MTHFSD: variants seen among roughly 807,000 people sequenced by gnomAD.
The protein encoded by MTHFSD is methenyltetrahydrofolate synthetase domain containing.
In MTHFSD, 37 loss-of-function variants were observed where a neutral mutation model predicts 31.1. The ratio of observed to expected loss-of-function variants is 1.19; its 90% CI spans 0.91 to 1.56. The LOEUF (loss-of-function observed/expected upper bound fraction) is 1.56, where lower values mean the gene tolerates loss of function less well. Ranked by LOEUF, MTHFSD falls within the 40% of genes most tolerant of loss-of-function variation. The pLI is 0.00. For synonymous variants in MTHFSD, 221 were observed against 206.9 expected (o/e 1.07, Z -0.59); for missense variants, 664 against 510.1 (o/e 1.30, Z -2.91).
In MTHFSD at chr16:86,531,911, G is replaced by A. The variant is rs1041605993; in HGVS notation, c.*100C>T. The A allele has an allele frequency of 1.4e-5, 11 of 789,636 alleles. No homozygotes were observed. Among genetic ancestry groups the A allele is most frequent in the African/African-American group, 7.2e-5 (4 of 55,260 alleles). The allele number at this position is 789,636 out of a possible 1,614,324, so 48.9% of individuals were successfully genotyped here. A position where few individuals can be genotyped will look rare whatever the true frequency, so the allele number is the denominator to read the frequency against. On this transcript the variant is annotated 3_prime_UTR_variant, in exon 8 of 8. Coordinates refer to ENST00000360900, the MANE Select transcript of MTHFSD (RefSeq NM_001159377.2). The surrounding 1 kb of genome is among the most constrained non-coding windows in gnomAD (Gnocchi z 5.5). ...CCCGAGCAGCTCAGGCGGTGGCTCC[G>A]ACACGTCTTGCCACGCAGGCCTCTC...
In MTHFSD at chr16:86,541,739, T is replaced by G; in HGVS notation, c.639A>C (p.Thr213=). The change falls in exon 7 of 8, where the codon ACA becomes ACC. Residue 213 remains threonine (T), a synonymous_variant. Transcript: ENST00000360900. ...CCATTGGCTTTGGGCGCTTGCAGCC[T>G]GTGGCGATGACTCTGGTTGGAGTGA... ...YILTPTRVIA[T]GCKRPKPMGI... is the part of the protein sequence containing the mutation. 6.2e-7 allele frequency: 1 copy of G among 1,614,074 alleles called. No homozygotes were observed. The highest frequency in any genetic ancestry group is 8.5e-7 in the Non-Finnish European group (1 of 1,180,002).
intron 1 of MTHFSD, 59 bp from the exon 2 acceptor site, chr16:86,554,810 A>G: frequency 6.9e-7 from 1 of 1,451,688 alleles, no homozygotes; most frequent in Non-Finnish European, 9.7e-7. Context: ...CCATGCTGAA[A>G]CCGCTTAACA....
At chr16:86,536,148 G>C (rs908866732) in intron 7 of MTHFSD, among the ~76,000 whole-genome samples, 10 of 152,218 alleles carry the variant, frequency 6.6e-5, no homozygotes, top group Non-Finnish European at 1.2e-4. Context: ...AGCCGTGCTG[G>C]TGAAGATGAG....
intron 7 of MTHFSD, chr16:86,541,277 A>C: frequency 8.7e-7 from 1 of 1,148,556 alleles, no homozygotes. Flanking sequence ...CTGCTTGAAG[A>C]TCCAGATCGT....
intron 2 of MTHFSD, among the ~76,000 whole-genome samples, chr16:86,552,871 C>G (rs2143896435): frequency 6.6e-6 from 1 of 152,346 alleles, no homozygotes; most frequent in African/African-American, 2.4e-5. Flanking sequence ...TGGGGTGAAG[C>G]AAGCCAACAG....
chr16:86,532,620 G>T, intron 7 of MTHFSD, 139 bp from the exon 8 acceptor site: 2 of 551,116 alleles, frequency 3.6e-6, no homozygotes, highest in Non-Finnish European at 5.9e-6. Context: ...AGGGACATGG[G>T]ACTCCCACTG....
chr16:86,554,241 T>C lies in MTHFSD; in HGVS notation c.123+404A>G, dbSNP rs534374198. 3.0e-4 allele frequency among the ~76,000 whole-genome samples: 45 copies of C among 152,340 alleles called. 2 individuals are homozygous for C. The South Asian group carries it at 9.1e-3, about 31-fold the overall frequency. On this transcript the variant is annotated intron_variant, in intron 2 of 7. Transcript: ENST00000360900. ...CTGCTAAGGTCTGCAGCTTCACTCCTGAAGCCAGCAAAGACCGTGAACCCA... is the reference window on the plus strand; with the variant it reads ...CTGCTAAGGTCTGCAGCTTCACTCCCGAAGCCAGCAAAGACCGTGAACCCA...
intron 5 of MTHFSD, among the ~76,000 whole-genome samples, chr16:86,543,050 TC>T (rs1345765925): frequency 2.0e-5 from 3 of 152,188 alleles, no homozygotes; most frequent in African/African-American, 7.2e-5. Flanking sequence ...TTCAAAACCT[TC>T]AACTGTGCAT....
At chr16:86,535,496 A>T (rs575360003) in intron 7 of MTHFSD, 47 of 985,432 alleles carry the variant, frequency 4.8e-5, no homozygotes, top group Middle Eastern at 1.0e-3. Flanking sequence ...AATGAGGAAT[A>T]GTTGTTACAT....
At chr16:86,541,996 C>T (rs1305097602) in intron 6 of MTHFSD, 105 bp downstream of exon 6, 6 of 1,340,368 alleles carry the variant, frequency 4.5e-6, no homozygotes, top group Non-Finnish European at 3.1e-6. Flanking sequence ...ATCCACACCA[C>T]TCGCCACACA....
rs7202317 is a variant in MTHFSD, at chr16:86,542,867, G to A, written c.443-654C>T. Among the ~76,000 whole-genome samples, 33,897 of 152,154 alleles carry A rather than the reference G, an allele frequency of 0.22. 4,353 individuals are homozygous for A. Among genetic ancestry groups the A allele is most frequent in the East Asian group, 0.41 (2,124 of 5,160 alleles). Reference sequence around the variant, plus strand: ...TCAGAGACAAAAATGCAGGAAGACAGGATACATCAAATGCCTTCTGGCCCC... The same window carrying A: ...TCAGAGACAAAAATGCAGGAAGACAAGATACATCAAATGCCTTCTGGCCCC... On this transcript the variant is annotated intron_variant, in intron 5 of 7. Coordinates refer to ENST00000360900, the MANE Select transcript of MTHFSD (RefSeq NM_001159377.2). The surrounding 1 kb of genome is among the most constrained non-coding windows in gnomAD (Gnocchi z 4.6).
chr16:86,547,502 C>T (rs1313893298), intron 4 of MTHFSD: 7 of 986,262 alleles, frequency 7.1e-6, no homozygotes, highest in Non-Finnish European at 8.4e-6. Context: ...GTCCAGGAAA[C>T]CCTGCACTGC....
intron 1 of MTHFSD, 102 bp from the exon 2 acceptor site, chr16:86,554,853 C>T (rs147269932): frequency 1.8e-6 from 2 of 1,127,362 alleles, no homozygotes; most frequent in East Asian, 2.5e-5. Context: ...TAGGTCAAAC[C>T]GGCTTCCGAT....
intron 7 of MTHFSD, chr16:86,535,272 T>C (rs2040269028): frequency 1.2e-5 from 12 of 985,266 alleles, no homozygotes; most frequent in Non-Finnish European, 1.4e-5. Flanking sequence ...TCATGAGCAG[T>C]GTTTGTGGGT....
intron 7 of MTHFSD, among the ~76,000 whole-genome samples, chr16:86,536,146 T>G (rs1970660678): frequency 6.6e-6 from 1 of 152,244 alleles, no homozygotes; most frequent in Admixed American, 6.5e-5. Flanking sequence ...TGAGCCGTGC[T>G]GGTGAAGATG....
chr16:86,544,629 A>G (rs1158584777), intron 5 of MTHFSD, among the ~76,000 whole-genome samples: 1 of 152,230 alleles, frequency 6.6e-6, no homozygotes, highest in African/African-American at 2.4e-5. Flanking sequence ...TAATTCAACC[A>G]TTATGGAAGA....
rs1358116477 is a variant in MTHFSD, at chr16:86,542,758, G to A, written c.443-545C>T. Among the ~76,000 whole-genome samples the A allele has an allele frequency of 6.6e-6, 1 of 152,168 alleles. No individual in the cohort carries two copies. The highest frequency in any genetic ancestry group is 1.5e-5 in the Non-Finnish European group (1 of 68,032). ...AGCGTTTTGCAAATTTGTAATTAGTGGCACAACAAAAGGATTATCTGAGCC... is the reference window on the plus strand; with the variant it reads ...AGCGTTTTGCAAATTTGTAATTAGTAGCACAACAAAAGGATTATCTGAGCC... On this transcript the variant is annotated intron_variant, in intron 5 of 7. Coordinates refer to ENST00000360900, the MANE Select transcript of MTHFSD (RefSeq NM_001159377.2). The surrounding 1 kb of genome is among the most constrained non-coding windows in gnomAD (Gnocchi z 4.6).
intron 5 of MTHFSD, among the ~76,000 whole-genome samples, chr16:86,544,207 G>A (rs764615389): frequency 6.6e-6 from 1 of 152,118 alleles, no homozygotes; most frequent in Non-Finnish European, 1.5e-5. Context: ...CCATGAAACC[G>A]GTCCCTGGTG....
intron 5 of MTHFSD, among the ~76,000 whole-genome samples, chr16:86,543,123 G>C (rs1437108702): frequency 6.6e-6 from 1 of 152,240 alleles, no homozygotes; most frequent in East Asian, 1.9e-4. Context: ...ACAGTTCACA[G>C]AAAATGACAG....
Sources: allele counts gnomAD v4.1 joint callset (sites outside exome capture counted in the v4.1 genomes callset), GRCh38; gene constraint gnomAD v4.1.1; non-coding constraint Gnocchi (gnomAD v3.1); transcripts MANE v1.5; gene names NCBI Gene and HGNC (gene_info 2026-07-23, HGNC 2026-07-21).